Variants in NME6 observed in about 807,000 individuals in gnomAD.
NME6 encodes NME/NM23 nucleoside diphosphate kinase 6, also known as nucleoside diphosphate kinase 6, mitochondrial.
Under a neutral mutation model 22.2 loss-of-function variants are expected in NME6, and 16 were observed. The ratio of observed to expected loss-of-function variants is 0.72; its 90% CI spans 0.49 to 1.09. NME6 has a LOEUF of 1.09. Among genes scored for constraint, NME6 ranks in the 50% least tolerant of loss-of-function variants. The pLI, the probability that NME6 is intolerant of heterozygous loss-of-function variation, is 0.00. For missense variants in NME6, 229 were observed against 239.0 expected (o/e 0.96, Z 0.28); for synonymous variants, 58 against 85.2 (o/e 0.68, Z 1.76).
At chr3:48,298,813 A>G (rs2035400215) in intron 1 of NME6, 1 of 615,280 alleles carries the variant, frequency 1.6e-6, no homozygotes, top group African/African-American at 1.8e-5. Flanking sequence ...CTCAAGTTTA[A>G]ATACTACCTG....
downstream of NME6, chr3:48,288,457 C>T (rs1025897272): frequency 1.3e-5 from 2 of 151,776 alleles, no homozygotes; most frequent in Admixed American, 1.3e-4. Flanking sequence ...TATTCATTAC[C>T]ATTAATAAAG....
At chr3:48,301,247 G>A in intron 1 of NME6, 106 bp downstream of exon 1, 4 of 1,573,590 alleles carry the variant, frequency 2.5e-6, no homozygotes, top group Admixed American at 3.6e-5. Flanking sequence ...ACTTCTCTAG[G>A]CCTGCAACCG....
chr3:48,291,479 C>T (rs2034460040), downstream of NME6: 1 of 208,476 alleles, frequency 4.8e-6, no homozygotes, highest in African/African-American at 2.4e-5. Context: ...CTCTCAGGCT[C>T]AAGCAATCCT....
chr3:48,291,044 C>G (rs771210374), downstream of NME6: 1 of 289,716 alleles, frequency 3.5e-6, no homozygotes, highest in East Asian at 9.9e-5. Context: ...CTTGATACTT[C>G]GCCCCAATTT....
At chr3:48,298,331 C>G (rs988303581) in intron 2 of NME6, 96 bp downstream of exon 2, 1 of 1,070,306 alleles carries the variant, frequency 9.3e-7, no homozygotes, top group African/African-American at 1.5e-5. Context: ...GCATCCAGCA[C>G]AAGTCTGTGT....
At position 48,295,079 on chromosome 3, in the gene NME6, A is replaced by G. The variant is rs1395745420; in HGVS notation, c.390T>C (p.Gly130=). 1 of 1,613,822 alleles carries G rather than the reference A, an allele frequency of 6.2e-7. No individual in the cohort carries two copies. Among genetic ancestry groups the G allele is most frequent in the Non-Finnish European group, 8.5e-7 (1 of 1,179,970 alleles). Residue 130 remains glycine (G), a synonymous_variant, in exon 5 of 6, where the codon GGT becomes GGC. Transcript: ENST00000442597. Reference sequence around the variant, plus strand: ...GGCTATGGACAGGGGACTCACCCGAACCATGGGTGGTGTTGCGGGTGTCAG... The same window carrying G: ...GGCTATGGACAGGGGACTCACCCGAGCCATGGGTGGTGTTGCGGGTGTCAG... ...GLTDTRNTTH[G]SDSVVSASRE... is the part of the protein sequence containing the mutation.
rs1163311635 is a variant in NME6, at chr3:48,296,168, G to C, written c.194-10C>G. ...TGATAGAAAAAACGCCCTGCAAAGA[G>C]AGAGGACCTTCATCAAGATACCTTC... On this transcript the variant is annotated splice_polypyrimidine_tract_variant and intron_variant, in intron 3 of 5. Transcript: ENST00000442597. The C allele has an allele frequency of 1.2e-6, 2 of 1,614,202 alleles. No homozygotes were observed. The highest frequency in any genetic ancestry group is 1.7e-6 in the Non-Finnish European group (2 of 1,180,026).
intron 4 of NME6, 120 bp downstream of exon 4, chr3:48,295,999 G>A (rs1397882973): frequency 6.4e-6 from 5 of 785,444 alleles, no homozygotes; most frequent in Non-Finnish European, 1.1e-5. Flanking sequence ...TTACAGGCAT[G>A]AGCCACCGTG....
intron 1 of NME6, chr3:48,300,658 TAC>T: frequency 8.0e-6 from 2 of 248,918 alleles, no homozygotes; most frequent in Non-Finnish European, 1.6e-5. Flanking sequence ...ATGGTTCCTT[TAC>T]TAACGCAGCT....
At position 48,295,108 on chromosome 3, in the gene NME6, G is replaced by T. The variant is rs1244117845; in HGVS notation, c.361C>A (p.Leu121Ile). Residue 121 changes from leucine to isoleucine, a missense_variant, in exon 5 of 6, where the codon CTC (leucine) becomes ATC (isoleucine). By Grantham distance (5) the Leu-to-Ile change is conservative. Coordinates refer to ENST00000442597, the MANE Select transcript of NME6 (RefSeq NM_001308426.2). ...TGGGTGGTGTTGCGGGTGTCAGTGA[G>T]GCCGAAACTCCCACGGATAGAATCT... The part of the protein sequence containing the change: ...APDSIRGSFG[L>I]TDTRNTTHGS... The T allele has an allele frequency of 6.2e-7, 1 of 1,614,156 alleles. No homozygotes were observed. Among genetic ancestry groups the T allele is most frequent in the Admixed American group, 1.7e-5 (1 of 60,024 alleles).
chr3:48,300,455 G>T (rs1483392424), intron 1 of NME6: 1 of 407,106 alleles, frequency 2.5e-6, no homozygotes, highest in Non-Finnish European at 4.8e-6. Context: ...CTCACTTCCC[G>T]TTACACTTTC....
At position 48,296,383 on chromosome 3, in the gene NME6, C is replaced by G. The variant is rs1373855621; in HGVS notation, c.194-225G>C. ...TAAACTTGGCTTCCTAATCTGCGTA[C>G]GAGGGATATAACAACACCTACTTTT... On this transcript the variant is annotated intron_variant, in intron 3 of 5. Coordinates refer to ENST00000442597, the MANE Select transcript of NME6 (RefSeq NM_001308426.2). The G allele has an allele frequency of 7.8e-6, 5 of 640,740 alleles. No homozygotes were observed. The East Asian group carries it at 1.4e-4, about 17-fold the overall frequency. 39.7% of individuals were successfully genotyped at this position (640,740 alleles called of 1,614,324 possible).
chr3:48,292,222 G>A (rs2034562190), downstream of NME6: 1 of 152,230 alleles, frequency 6.6e-6, no homozygotes, highest in Non-Finnish European at 1.5e-5. Flanking sequence ...CTATTGGAGT[G>A]TCATTGCTCT....
At chr3:48,295,495 C>G (rs1335773346) in intron 4 of NME6, 1 of 444,080 alleles carries the variant, frequency 2.3e-6, no homozygotes, top group Non-Finnish European at 4.0e-6. Context: ...AGGTCAGCAT[C>G]GGCTCAGTGA....
rs991803709 is a variant in NME6 at position 48,293,434 on chromosome 3, G to C, written c.*1203C>G. On this transcript the variant is annotated 3_prime_UTR_variant, in exon 6 of 6. Coordinates refer to ENST00000442597, the MANE Select transcript of NME6 (RefSeq NM_001308426.2). ...TACTGAGAAAGAAAAGTCAAGACCT[G>C]TAAGAAGTGTCACAGGTTTCTTAGG... 1 of 152,170 alleles carries C rather than the reference G, an allele frequency of 6.6e-6. No individual in the cohort carries two copies. The highest frequency in any genetic ancestry group is 1.9e-4 in the East Asian group (1 of 5,196). The allele number at this position is 152,170 out of a possible 1,614,324, so 9.4% of individuals were successfully genotyped here. A position where few individuals can be genotyped will look rare whatever the true frequency, so the allele number is the denominator to read the frequency against.
intron 1 of NME6, chr3:48,299,238 T>A: frequency 2.4e-6 from 1 of 415,682 alleles, no homozygotes; most frequent in Non-Finnish European, 4.3e-6. Context: ...TAAATAAACC[T>A]ATATAGTCTT....
Position 48,294,520 on chromosome 3 carries a change from T to G in NME6, c.*117A>C. The G allele has an allele frequency of 1.0e-6, 1 of 990,986 alleles. No individual in the cohort carries two copies. Among genetic ancestry groups the G allele is most frequent in the Admixed American group, 2.3e-5 (1 of 44,076 alleles). 61.4% of individuals were successfully genotyped at this position (990,986 alleles called of 1,614,324 possible). On this transcript the variant is annotated 3_prime_UTR_variant, in exon 6 of 6. Transcript: ENST00000442597. ...GTGGTGAGCTAGGCCCTCAGGCAGG[T>G]GGTGGTGCCCAGCAGAAATGGCACT...
chr3:48,290,695 G>A (rs536288025), downstream of NME6: 1 of 153,594 alleles, frequency 6.5e-6, no homozygotes, highest in Admixed American at 6.5e-5. Context: ...CTGATAACAG[G>A]GCAAATGAAT....
At chr3:48,299,955 C>G (rs1351156914) in intron 1 of NME6, among the ~76,000 whole-genome samples, 1 of 152,160 alleles carries the variant, frequency 6.6e-6, no homozygotes, top group Non-Finnish European at 1.5e-5. Context: ...CATATCCACA[C>G]GATCACCAAC....
Sources: gnomAD v4.1 joint callset for allele counts (sites outside exome capture counted in the v4.1 genomes callset) on GRCh38, gnomAD v4.1.1 for gene constraint, MANE v1.5 for transcripts, NCBI Gene and HGNC (gene_info 2026-07-23, HGNC 2026-07-21) for gene names.